The following ROBO1 variants were observed in gnomAD, a reference collection of about 807,000 sequenced individuals.
The protein encoded by ROBO1 is roundabout guidance receptor 1.
ROBO1 carries 149 observed loss-of-function variants against 195.9 expected under a neutral mutation model. The observed-to-expected ratio is 0.76, with a 90% CI of 0.67 to 0.87. ROBO1 has a LOEUF of 0.87. Among genes scored for constraint, ROBO1 ranks in the 40% least tolerant of loss-of-function variants. ROBO1 has a pLI of 0.00. For missense variants in ROBO1, 1,933 were observed against 2,068.3 expected (o/e 0.93, Z 1.27); for synonymous variants, 816 against 733.2 (o/e 1.11, Z -1.82).
At chr3:79,524,759 A>G (rs1267785003) in intron 2 of ROBO1, among the ~76,000 whole-genome samples, 1 of 152,158 alleles carries the variant, frequency 6.6e-6, no homozygotes, top group Non-Finnish European at 1.5e-5. Context: ...TGACGTTCAT[A>G]TTGTATCATA....
intron 10 of ROBO1, among the ~76,000 whole-genome samples, chr3:78,680,938 G>A (rs929762656): frequency 4.6e-5 from 7 of 150,614 alleles, no homozygotes; most frequent in African/African-American, 1.7e-4. Flanking sequence ...CAACCCAAAT[G>A]TCCAACAATG....
chr3:79,077,115 A>C (rs2079187060), intron 3 of ROBO1, among the ~76,000 whole-genome samples: 1 of 151,934 alleles, frequency 6.6e-6, no homozygotes. Flanking sequence ...ATCAGCACTC[A>C]TGCTGTACGT....
At chr3:79,040,165 T>A (rs1035558831) in intron 3 of ROBO1, among the ~76,000 whole-genome samples, 2 of 152,178 alleles carry the variant, frequency 1.3e-5, no homozygotes, top group African/African-American at 4.8e-5. Flanking sequence ...GAAGTGCTAA[T>A]GTTGGCAACT....
At chr3:79,678,213 A>C (rs528580441) in intron 1 of ROBO1, among the ~76,000 whole-genome samples, 2 of 152,114 alleles carry the variant, frequency 1.3e-5, no homozygotes, top group East Asian at 1.9e-4. Flanking sequence ...GTATAATGGA[A>C]ATTAGAGCAC....
At chr3:79,267,221 A>G (rs994104712) in intron 2 of ROBO1, among the ~76,000 whole-genome samples, 1 of 151,550 alleles carries the variant, frequency 6.6e-6, no homozygotes, top group African/African-American at 2.4e-5. Flanking sequence ...AAAGCTAAAT[A>G]TAAAAGAGGA....
chr3:78,935,478 G>A (rs2039755094), intron 4 of ROBO1, among the ~76,000 whole-genome samples: 2 of 152,078 alleles, frequency 1.3e-5, no homozygotes, highest in Admixed American at 1.3e-4. Flanking sequence ...TATAAGTTGT[G>A]TCAAAGATCT....
rs568156129 is a variant in ROBO1 at position 79,529,549 on chromosome 3, G to T, written c.88+60275C>A. ...ATTTGATTAGGTTTTAAGTTATTAA[G>T]TAAAATAAGGGTTATTTGAGCACAA... On this transcript the variant is annotated intron_variant, in intron 2 of 30. Transcript: ENST00000464233. Among the ~76,000 whole-genome samples the T allele has an allele frequency of 6.6e-5, 10 of 152,312 alleles. No homozygotes were observed. In the East Asian group the frequency reaches 1.9e-3, roughly 29 times the overall value.
intron 2 of ROBO1, among the ~76,000 whole-genome samples, chr3:79,187,675 C>T (rs1016788849): frequency 2.6e-5 from 4 of 151,932 alleles, no homozygotes; most frequent in Admixed American, 1.3e-4. Context: ...TTCTGGGACA[C>T]ATTTTAATCT....
chr3:79,318,155 TTACTC>T (rs557491767), intron 2 of ROBO1, among the ~76,000 whole-genome samples: 34 of 152,238 alleles, frequency 2.2e-4, no homozygotes, highest in African/African-American at 8.2e-4. Flanking sequence ...GAAATTTACT[TTACTC>T]ACTCCACTCT....
intron 5 of ROBO1, among the ~76,000 whole-genome samples, chr3:78,742,093 G>A (rs932046239): frequency 6.6e-6 from 1 of 152,048 alleles, no homozygotes; most frequent in Admixed American, 6.5e-5. Context: ...TTTTTGTAGG[G>A]TGTGTCTTTG....
chr3:79,574,445 TTTTA>T (rs1249227586), intron 2 of ROBO1, among the ~76,000 whole-genome samples: 1 of 151,950 alleles, frequency 6.6e-6, no homozygotes, highest in Admixed American at 6.6e-5. Context: ...TACTATAAAA[TTTTA>T]TTTTTCTTTT....
chr3:79,310,520 A>G lies in ROBO1; in HGVS notation c.89-184981T>C, dbSNP rs145368366. ...ATTCTACCATCCAATATAACTCTAC[A>G]TGGCAATTTTACGTTTTTCAGAGAT... On this transcript the variant is annotated intron_variant, in intron 2 of 30. Transcript: ENST00000464233. Among the ~76,000 whole-genome samples the G allele has an allele frequency of 1.5e-3, 223 of 152,238 alleles. 2 individuals are homozygous for G. In the East Asian group the frequency reaches 0.032, roughly 22 times the overall value.
chr3:78,891,149 G>T (rs1014020640), intron 4 of ROBO1, among the ~76,000 whole-genome samples: 3 of 152,134 alleles, frequency 2.0e-5, no homozygotes, highest in Non-Finnish European at 4.4e-5. Context: ...TACAGTTTCA[G>T]TAAGGTCTGA....
intron 3 of ROBO1, among the ~76,000 whole-genome samples, chr3:79,094,418 A>T (rs954449181): frequency 6.6e-6 from 1 of 152,128 alleles, no homozygotes; most frequent in Non-Finnish European, 1.5e-5. Context: ...CCTGCAAATC[A>T]TAAGTACTGC....
intron 4 of ROBO1, among the ~76,000 whole-genome samples, chr3:78,861,501 A>G (rs1176442083): frequency 6.6e-6 from 1 of 152,158 alleles, no homozygotes; most frequent in East Asian, 1.9e-4. Context: ...GCCTCCTACT[A>G]TAGAATTCTA....
intron 2 of ROBO1, among the ~76,000 whole-genome samples, chr3:79,489,471 T>G (rs564856426): frequency 6.6e-6 from 1 of 151,888 alleles, no homozygotes; most frequent in Non-Finnish European, 1.5e-5. Flanking sequence ...CTGGCCAACA[T>G]GGTGAAACCC....
In ROBO1 at chr3:78,787,926, C is replaced by CTT. The variant is rs71127358; in HGVS notation, c.500-41028_500-41027dup. On this transcript the variant is annotated intron_variant, in intron 4 of 30. Transcript: ENST00000464233. ...CTGGCCACAGAGTTAGACCCCTTCTCTTTTTTTTTTTTTTTTTTTTTTTTT... is the reference window on the plus strand; with the variant it reads ...CTGGCCACAGAGTTAGACCCCTTCTCTTTTTTTTTTTTTTTTTTTTTTTTTTT... Among the ~76,000 whole-genome samples the CTT allele has an allele frequency of 9.3e-4, 67 of 71,718 alleles. 1 individual carries two copies. The highest frequency in any genetic ancestry group is 2.9e-3 in the African/African-American group (47 of 16,394). The allele number at this position is 71,718 out of a possible 152,430, so 47.0% of individuals were successfully genotyped here. A position where few individuals can be genotyped will look rare whatever the true frequency, so the allele number is the denominator to read the frequency against.
chr3:79,428,130 A>T (rs1246918014), intron 2 of ROBO1, among the ~76,000 whole-genome samples: 1 of 152,168 alleles, frequency 6.6e-6, no homozygotes, highest in Non-Finnish European at 1.5e-5. Context: ...TCTGATTAAA[A>T]AATGGGCAAA....
chr3:78,888,905 C>T (rs757298869), intron 4 of ROBO1, among the ~76,000 whole-genome samples: 1 of 152,094 alleles, frequency 6.6e-6, no homozygotes, highest in East Asian at 1.9e-4. Context: ...TAACTGTTCA[C>T]CTTTGGTTGG....
Sources: allele counts gnomAD v4.1 joint callset (sites outside exome capture counted in the v4.1 genomes callset), GRCh38; gene constraint gnomAD v4.1.1; transcripts MANE v1.5; gene names NCBI Gene and HGNC (gene_info 2026-07-23, HGNC 2026-07-21).